Variants in CRTC3 observed in about 807,000 individuals in gnomAD.
CRTC3 encodes CREB-regulated transcription coactivator 3.
A neutral mutation model predicts 74.5 loss-of-function variants in CRTC3; 26 were observed. That is an observed-to-expected ratio of 0.35 (90% CI 0.26 to 0.48). The LOEUF (loss-of-function observed/expected upper bound fraction) is 0.48, where lower values mean the gene tolerates loss of function less well. Ranked by LOEUF, CRTC3 falls within the 20% of genes least tolerant of loss-of-function variation. The pLI, the probability that CRTC3 is intolerant of heterozygous loss-of-function variation, is 0.99. For missense variants in CRTC3, 760 were observed against 787.3 expected (o/e 0.97, Z 0.41); for synonymous variants, 377 against 325.8 (o/e 1.16, Z -1.69).
intron 6 of CRTC3, among the ~76,000 whole-genome samples, chr15:90,608,777 C>T (rs1195520252): frequency 6.6e-6 from 1 of 152,214 alleles, no homozygotes; most frequent in African/African-American, 2.4e-5. Flanking sequence ...CTCACATGTG[C>T]ACGGCATTTG....
chr15:90,624,063 T>C (rs1483347115), intron 9 of CRTC3, among the ~76,000 whole-genome samples: 1 of 152,058 alleles, frequency 6.6e-6, no homozygotes, highest in East Asian at 1.9e-4. Context: ...ACTACTGAAT[T>C]GTATTATGTT....
chr15:90,590,144 T>C (rs1967766196), intron 2 of CRTC3, among the ~76,000 whole-genome samples: 1 of 151,286 alleles, frequency 6.6e-6, no homozygotes, highest in African/African-American at 2.4e-5. Context: ...TACAAAAAAA[T>C]TAGCCGGGAG....
At chr15:90,543,003 T>G (rs932133635) in intron 2 of CRTC3, among the ~76,000 whole-genome samples, 1 of 151,872 alleles carries the variant, frequency 6.6e-6, no homozygotes, top group Admixed American at 6.6e-5. Context: ...TTTTATCAAT[T>G]AAGGTGGTGT....
intron 2 of CRTC3, among the ~76,000 whole-genome samples, chr15:90,559,502 T>C (rs954242302): frequency 5.3e-5 from 8 of 152,258 alleles, no homozygotes; most frequent in Non-Finnish European, 1.2e-4. Flanking sequence ...TCCTTACTTA[T>C]GAAATAATTA....
At chr15:90,622,280 C>G (rs142414477) in intron 9 of CRTC3, among the ~76,000 whole-genome samples, 1 of 152,160 alleles carries the variant, frequency 6.6e-6, no homozygotes, top group Non-Finnish European at 1.5e-5. Flanking sequence ...AAAGGAACCA[C>G]CTGTATTTCT....
At chr15:90,635,242 A>C (rs1260048933) in intron 11 of CRTC3, among the ~76,000 whole-genome samples, 1 of 152,110 alleles carries the variant, frequency 6.6e-6, no homozygotes, top group Admixed American at 6.5e-5. Flanking sequence ...GACACTGAGA[A>C]GCTGGCTGGC....
At chr15:90,616,369 G>A (rs915973373) in intron 7 of CRTC3, among the ~76,000 whole-genome samples, 23 of 152,142 alleles carry the variant, frequency 1.5e-4, no homozygotes, top group African/African-American at 5.6e-4. Flanking sequence ...GTCCACAACT[G>A]CATTTATATC....
intron 2 of CRTC3, among the ~76,000 whole-genome samples, chr15:90,542,848 C>T (rs2151057519): frequency 6.6e-6 from 1 of 152,188 alleles, no homozygotes; most frequent in South Asian, 2.1e-4. Flanking sequence ...TAGATATAAC[C>T]CCTCAATTGG....
chr15:90,636,092 T>G (rs541450171), intron 11 of CRTC3, among the ~76,000 whole-genome samples: 2 of 152,278 alleles, frequency 1.3e-5, no homozygotes, highest in East Asian at 3.9e-4. Flanking sequence ...AGAGCCCACA[T>G]TGCCAAGTCA....
At chr15:90,637,171 T>C (rs545119927) in intron 11 of CRTC3, among the ~76,000 whole-genome samples, 1 of 152,250 alleles carries the variant, frequency 6.6e-6, no homozygotes, top group South Asian at 2.1e-4. Flanking sequence ...CCAACAACGA[T>C]AGACTGGATT....
At chr15:90,631,232 TGGGCGA>T (rs1485726956) in intron 11 of CRTC3, among the ~76,000 whole-genome samples, 1 of 152,142 alleles carries the variant, frequency 6.6e-6, no homozygotes, top group African/African-American at 2.4e-5. Flanking sequence ...TGATCTCTTT[TGGGCGA>T]GGGTGAGAGG....
chr15:90,610,746 C>T (rs957727667), intron 6 of CRTC3, among the ~76,000 whole-genome samples: 7 of 152,184 alleles, frequency 4.6e-5, no homozygotes, highest in African/African-American at 1.7e-4. Context: ...CTGTGGGACA[C>T]GTGCCCTGTC....
At chr15:90,553,677 G>T (rs148063113) in intron 2 of CRTC3, among the ~76,000 whole-genome samples, 229 of 152,274 alleles carry the variant, frequency 1.5e-3, no homozygotes, top group African/African-American at 5.1e-3. Flanking sequence ...TTTTCATTCT[G>T]CCTCCTACGT....
At chr15:90,602,203 A>G (rs1373658076) in intron 3 of CRTC3, 121 bp from the exon 4 acceptor site, 7 of 653,584 alleles carry the variant, frequency 1.1e-5, no homozygotes, top group South Asian at 1.0e-4. Context: ...ATGAAGGAAG[A>G]GCTGTCAGGT....
chr15:90,636,729 A>C (rs534601994), intron 11 of CRTC3, among the ~76,000 whole-genome samples: 14 of 152,346 alleles, frequency 9.2e-5, no homozygotes, highest in African/African-American at 3.1e-4. Context: ...CAACCCCATC[A>C]AAAAGTGGGC....
intron 10 of CRTC3, among the ~76,000 whole-genome samples, chr15:90,627,223 A>T (rs1194894688): frequency 6.6e-6 from 1 of 152,194 alleles, no homozygotes; most frequent in Admixed American, 6.5e-5. Flanking sequence ...ATTTCAGAGA[A>T]CACCTTTATT....
Position 90,638,541 on chromosome 15 carries a change from C to A in CRTC3, c.1362C>A (p.Leu454=), listed in dbSNP as rs371185976. 12 of 1,613,276 alleles carry A rather than the reference C, an allele frequency of 7.4e-6. No individual in the cohort carries two copies. The highest frequency in any genetic ancestry group is 1.6e-4 in the Middle Eastern group (1 of 6,062). ...CCCCTTACCCTGCACCCCAGGAGCT[C>A]ACCCAGCCCCTCCTGCAGCAGCCCC... The part of the protein sequence containing the change: ...PPPPYPAPQE[L]TQPLLQQPRA... Residue 454 remains leucine, a synonymous_variant, in exon 12 of 15, where the codon CTC becomes CTA. Transcript: ENST00000268184.
chr15:90,597,445 C>G (rs965196051), intron 3 of CRTC3, among the ~76,000 whole-genome samples: 3 of 152,206 alleles, frequency 2.0e-5, no homozygotes, highest in African/African-American at 7.2e-5. Flanking sequence ...CTAAGACCTA[C>G]TAGAGTTAGG....
At chr15:90,638,051 G>C (rs1456739203) in intron 11 of CRTC3, 1 of 183,554 alleles carries the variant, frequency 5.4e-6, no homozygotes, top group African/African-American at 2.4e-5. Context: ...CTTATTGCTT[G>C]TTAATGTTGT....
Sources: allele counts gnomAD v4.1 joint callset (sites outside exome capture counted in the v4.1 genomes callset), GRCh38; gene constraint gnomAD v4.1.1; transcripts MANE v1.5; gene names NCBI Gene and HGNC (gene_info 2026-07-23, HGNC 2026-07-21).